LRRC52: variants seen among roughly 807,000 people sequenced by gnomAD.
LRRC52 encodes the protein leucine rich repeat containing 52.
A neutral mutation model predicts 14.7 loss-of-function variants in LRRC52; 15 were observed. The ratio of observed to expected loss-of-function variants is 1.02; its 90% CI spans 0.68 to 1.58. The LOEUF is 1.58. Ranked by LOEUF, LRRC52 falls within the 40% of genes most tolerant of loss-of-function variation. The pLI is 0.00. For synonymous variants in LRRC52, 180 were observed against 163.9 expected (o/e 1.10, Z -0.75); for missense variants, 400 against 387.7 (o/e 1.03, Z -0.27).
intron 1 of LRRC52, among the ~76,000 whole-genome samples, chr1:165,552,718 C>A (rs1352309057): frequency 9.9e-5 from 15 of 152,178 alleles, no homozygotes; most frequent in Admixed American, 9.2e-4. Flanking sequence ...AATGTGTATT[C>A]ATTTAACATT....
intron 1 of LRRC52, among the ~76,000 whole-genome samples, chr1:165,557,806 G>A (rs1490096555): frequency 2.0e-5 from 3 of 151,990 alleles, no homozygotes; most frequent in Non-Finnish European, 2.9e-5. Flanking sequence ...TTTCCTCACT[G>A]AGAAGTAATT....
rs150374386 is a variant in LRRC52, at chr1:165,561,779, T to G, written c.623-1726T>G. The stretch of plus-strand genomic sequence containing the variant: ...ACAGCATTACACACTGCACACCATC[T>G]TCCTGAACAAAACAAAATGACTTTG... On this transcript the variant is annotated intron_variant, in intron 1 of 1. Transcript: ENST00000294818. Among the ~76,000 whole-genome samples the G allele has an allele frequency of 2.0e-5, 3 of 152,366 alleles. No homozygotes were observed. The East Asian group carries it at 5.8e-4, about 29-fold the overall frequency.
At chr1:165,557,892 G>A (rs541794201) in intron 1 of LRRC52, among the ~76,000 whole-genome samples, 1 of 152,316 alleles carries the variant, frequency 6.6e-6, no homozygotes, top group East Asian at 1.9e-4. Flanking sequence ...CAGCCCAGAA[G>A]GTTCCTGAGC....
chr1:165,552,205 G>A (rs1255866458), intron 1 of LRRC52, among the ~76,000 whole-genome samples: 1 of 152,082 alleles, frequency 6.6e-6, no homozygotes, highest in Non-Finnish European at 1.5e-5. Context: ...AGGCCAATTG[G>A]GATCCCTGAG....
In LRRC52 at chr1:165,563,681, GGT is replaced by G; in HGVS notation, c.807_808del (p.Ala270CysfsTer12). 5.0e-6 allele frequency: 8 copies of G among 1,614,178 alleles called. No individual in the cohort carries two copies. Among genetic ancestry groups the G allele is most frequent in the South Asian group, 1.1e-5 (1 of 91,088 alleles). ...GGGAACTGTGGCTGCCTGGCTCACA[GGT>G]GTGTGTGCTGTGCTCTACCAGAACA... is the stretch of plus-strand genomic sequence containing the variant. ...AAGTVAAWLT[G>X]VCAVLYQNTR... On this transcript the variant is annotated frameshift_variant, in exon 2 of 2. Transcript: ENST00000294818. LOFTEE classifies it low-confidence loss of function (END_TRUNC).
intron 1 of LRRC52, among the ~76,000 whole-genome samples, chr1:165,553,052 G>T (rs770132955): frequency 6.6e-6 from 1 of 152,118 alleles, no homozygotes; most frequent in African/African-American, 2.4e-5. Context: ...CAGAATAGAG[G>T]ACAGGGCATA....
At chr1:165,563,325 T>A (rs973318743) in intron 1 of LRRC52, among the ~76,000 whole-genome samples, 180 bp from the exon 2 acceptor site, 3 of 152,078 alleles carry the variant, frequency 2.0e-5, no homozygotes, top group Non-Finnish European at 4.4e-5. Flanking sequence ...ATTCAGGAGG[T>A]CACAGGTGGG....
intron 1 of LRRC52, among the ~76,000 whole-genome samples, chr1:165,556,566 T>C (rs1012571411): frequency 6.6e-6 from 1 of 152,230 alleles, no homozygotes; most frequent in African/African-American, 2.4e-5. Context: ...CTACTCAACA[T>C]TGCCATTAAG....
At chr1:165,551,570 C>A (rs761304201) in intron 1 of LRRC52, among the ~76,000 whole-genome samples, 16 of 152,130 alleles carry the variant, frequency 1.1e-4, no homozygotes, top group Non-Finnish European at 1.9e-4. Context: ...CAGAGAGTCC[C>A]CTCTGTGTCA....
intron 1 of LRRC52, among the ~76,000 whole-genome samples, chr1:165,546,218 G>A (rs1214287929): frequency 6.5e-5 from 2 of 30,890 alleles, no homozygotes; most frequent in Middle Eastern, 0.011. Context: ...CACTGAGAGC[G>A]AGTGCACTGA....
chr1:165,556,663 G>A (rs1661240985), intron 1 of LRRC52, among the ~76,000 whole-genome samples: 1 of 152,236 alleles, frequency 6.6e-6, no homozygotes, highest in Non-Finnish European at 1.5e-5. Flanking sequence ...GCTGGATTTG[G>A]CCCACAGGTT....
chr1:165,553,100 G>A (rs143619158), intron 1 of LRRC52, among the ~76,000 whole-genome samples: 90 of 152,282 alleles, frequency 5.9e-4, no homozygotes, highest in African/African-American at 2.1e-3. Context: ...ACTTACTAGT[G>A]ATCACTGAAA....
chr1:165,545,774 C>T (rs1661010034), intron 1 of LRRC52, among the ~76,000 whole-genome samples: 1 of 152,078 alleles, frequency 6.6e-6, no homozygotes, highest in South Asian at 2.1e-4. Flanking sequence ...CTTCTCTCCA[C>T]CAATAATAGC....
intron 1 of LRRC52, among the ~76,000 whole-genome samples, chr1:165,548,219 G>A (rs1401355289): frequency 6.6e-6 from 1 of 152,156 alleles, no homozygotes; most frequent in Non-Finnish European, 1.5e-5. Flanking sequence ...AATTTTCACT[G>A]TAGTGTAATA....
intron 1 of LRRC52, among the ~76,000 whole-genome samples, chr1:165,562,785 C>T (rs1313609145): frequency 3.9e-5 from 6 of 152,112 alleles, no homozygotes; most frequent in African/African-American, 1.4e-4. Context: ...TGACTGAAGA[C>T]TCATGTCGAT....
chr1:165,558,198 A>C (rs572268525), intron 1 of LRRC52, among the ~76,000 whole-genome samples: 4 of 152,108 alleles, frequency 2.6e-5, no homozygotes, highest in Non-Finnish European at 5.9e-5. Context: ...ACAGAAATAA[A>C]CCAGGTGGTG....
chr1:165,560,217 T>G (rs972855143), intron 1 of LRRC52, among the ~76,000 whole-genome samples: 1 of 152,240 alleles, frequency 6.6e-6, no homozygotes, highest in Non-Finnish European at 1.5e-5. Context: ...CTGTATAATA[T>G]ATTTGTAGCA....
chr1:165,551,533 AG>A (rs1441130815), intron 1 of LRRC52, among the ~76,000 whole-genome samples: 18 of 152,354 alleles, frequency 1.2e-4, no homozygotes, highest in Non-Finnish European at 2.5e-4. Flanking sequence ...ACAGGCTACC[AG>A]GGGCTAGAGT....
intron 1 of LRRC52, among the ~76,000 whole-genome samples, chr1:165,548,891 TC>T (rs1280084117): frequency 8.5e-5 from 13 of 152,088 alleles, no homozygotes; most frequent in Non-Finnish European, 1.8e-4. Flanking sequence ...AGTCAAGTGT[TC>T]CCCTAGATAA....
Sources: gnomAD v4.1 joint callset for allele counts (sites outside exome capture counted in the v4.1 genomes callset) on GRCh38, gnomAD v4.1.1 for gene constraint, MANE v1.5 for transcripts, NCBI Gene and HGNC (gene_info 2026-07-23, HGNC 2026-07-21) for gene names.